Variants in FAM151B observed in about 807,000 individuals in gnomAD.
FAM151B encodes the protein protein FAM151B.
A neutral mutation model predicts 31.2 loss-of-function variants in FAM151B; 24 were observed. The observed-to-expected ratio is 0.77, with a 90% confidence interval of 0.56 to 1.08. FAM151B has a LOEUF of 1.08. Among genes scored for constraint, FAM151B ranks in the 50% least tolerant of loss-of-function variants. The pLI is 0.00. For missense variants in FAM151B, 293 were observed against 328.6 expected, an observed-to-expected ratio of 0.89 and a Z score of 0.84; for synonymous variants, 105 against 111.4, an observed-to-expected ratio of 0.94 and a Z score of 0.36.
Position 80,498,671 on chromosome 5 carries a change from C to T in FAM151B, c.26-3121C>T, listed in dbSNP as rs114564132. 6.2e-3 allele frequency: 4,083 copies of T among 653,392 alleles called. 21 individuals are homozygous for T. Among genetic ancestry groups the T allele is most frequent in the Non-Finnish European group, 9.2e-3 (3,235 of 350,172 alleles). 40.5% of individuals were successfully genotyped at this position (653,392 alleles called of 1,614,324 possible). On this transcript the variant is annotated intron_variant, in intron 1 of 5. Coordinates refer to ENST00000282226, the MANE Select transcript of FAM151B (RefSeq NM_205548.3). The stretch of plus-strand genomic sequence containing the variant: ...GGTGTCTAATTTTGCCATTCTCTTC[C>T]ACCTTATAGTATTTCAGGACAGCCA...
intron 4 of FAM151B, among the ~76,000 whole-genome samples, chr5:80,521,450 T>C (rs982771548): frequency 2.6e-5 from 4 of 152,146 alleles, no homozygotes; most frequent in African/African-American, 9.7e-5. Flanking sequence ...ATGATTTAAA[T>C]ATATGTAAAA....
At chr5:80,534,413 C>T (rs1313966331) in intron 5 of FAM151B, among the ~76,000 whole-genome samples, 5 of 152,046 alleles carry the variant, frequency 3.3e-5, no homozygotes, top group Admixed American at 1.3e-4. Flanking sequence ...TCATCATGAC[C>T]AAGTGGGATT....
At chr5:80,522,366 T>G in intron 5 of FAM151B, 1 of 392,654 alleles carries the variant, frequency 2.5e-6, no homozygotes. Context: ...ACAAAAGTTT[T>G]TGTACATAGT....
chr5:80,532,954 TA>T (rs1274048175), intron 5 of FAM151B, among the ~76,000 whole-genome samples: 1 of 152,114 alleles, frequency 6.6e-6, no homozygotes, highest in Non-Finnish European at 1.5e-5. Context: ...AAACAAATGA[TA>T]ATGGAAACAC....
chr5:80,507,889 C>T (rs556921279), intron 2 of FAM151B, among the ~76,000 whole-genome samples: 116 of 152,270 alleles, frequency 7.6e-4, no homozygotes, highest in African/African-American at 2.8e-3. Context: ...TGGGCTGTCA[C>T]ACACATTCTT....
intron 5 of FAM151B, among the ~76,000 whole-genome samples, chr5:80,529,754 C>T (rs1181031645): frequency 2.0e-5 from 3 of 152,116 alleles, no homozygotes; most frequent in African/African-American, 7.2e-5. Context: ...TAATAGCCCA[C>T]CAACCAAAAA....
chr5:80,527,626 T>C (rs1561376608), intron 5 of FAM151B, among the ~76,000 whole-genome samples: 1 of 152,092 alleles, frequency 6.6e-6, no homozygotes, highest in Non-Finnish European at 1.5e-5. Flanking sequence ...TATATAAACA[T>C]ATCTAAACAT....
At chr5:80,521,495 T>A in intron 4 of FAM151B, among the ~76,000 whole-genome samples, 1 of 152,198 alleles carries the variant, frequency 6.6e-6, no homozygotes, top group Non-Finnish European at 1.5e-5. Context: ...CCACTATTTC[T>A]ACTTTAAGTA....
intron 3 of FAM151B, among the ~76,000 whole-genome samples, chr5:80,517,314 G>T (rs1744497997): frequency 6.6e-6 from 1 of 151,478 alleles, no homozygotes; most frequent in African/African-American, 2.4e-5. Context: ...ATATAGGGTT[G>T]GGTGCTAGGT....
intron 2 of FAM151B, among the ~76,000 whole-genome samples, chr5:80,502,971 A>G (rs1460447433): frequency 2.0e-5 from 3 of 152,242 alleles, no homozygotes; most frequent in Non-Finnish European, 4.4e-5. Context: ...AATGATTGTC[A>G]GGAACTGTAA....
chr5:80,508,205 TG>T (rs1744050172), intron 2 of FAM151B, among the ~76,000 whole-genome samples: 1 of 152,230 alleles, frequency 6.6e-6, no homozygotes, highest in African/African-American at 2.4e-5. Flanking sequence ...TTCCCTTTTT[TG>T]CTACTATGAT....
intron 2 of FAM151B, among the ~76,000 whole-genome samples, chr5:80,506,402 C>A (rs929019794): frequency 1.3e-5 from 2 of 152,142 alleles, no homozygotes; most frequent in African/African-American, 4.8e-5. Flanking sequence ...ACATAAAGAT[C>A]ACAATAACAT....
At chr5:80,522,315 C>A (rs912758734) in intron 5 of FAM151B, 177 bp downstream of exon 5, 5 of 540,028 alleles carry the variant, frequency 9.3e-6, no homozygotes, top group African/African-American at 5.6e-5. Flanking sequence ...CCTTGATGAA[C>A]CTTAACTTAC....
At chr5:80,490,811 G>C (rs1056431935) in intron 1 of FAM151B, among the ~76,000 whole-genome samples, 1 of 152,164 alleles carries the variant, frequency 6.6e-6, no homozygotes, top group Non-Finnish European at 1.5e-5. Context: ...CCACTCATTA[G>C]TTGATGGACA....
intron 5 of FAM151B, among the ~76,000 whole-genome samples, chr5:80,532,604 A>G (rs1745293713): frequency 1.3e-5 from 2 of 152,224 alleles, no homozygotes. Context: ...CAGATAGAAA[A>G]TCAGTAAAGA....
At chr5:80,511,493 A>T (rs915699682) in intron 2 of FAM151B, among the ~76,000 whole-genome samples, 3 of 150,966 alleles carry the variant, frequency 2.0e-5, no homozygotes, top group Admixed American at 2.0e-4. Flanking sequence ...ATTGCAGTGC[A>T]GGTTGGCCAC....
chr5:80,538,422 T>TTCTTTCTTTCTTTCTTTC (rs1745641379), intron 5 of FAM151B, among the ~76,000 whole-genome samples: 1 of 55,698 alleles, frequency 1.8e-5, no homozygotes, highest in Non-Finnish European at 3.2e-5. Context: ...CTTTCTTTCT[T>TTCTTTCTTTCTTTCTTTC]TCTTTCTTTC....
At chr5:80,489,832 C>G (rs1449603533) in intron 1 of FAM151B, among the ~76,000 whole-genome samples, 1 of 151,038 alleles carries the variant, frequency 6.6e-6, no homozygotes, top group Non-Finnish European at 1.5e-5. Flanking sequence ...GCTGAGGCAG[C>G]AGAATGGCGT....
At chr5:80,509,906 T>C (rs1744116518) in intron 2 of FAM151B, among the ~76,000 whole-genome samples, 1 of 152,210 alleles carries the variant, frequency 6.6e-6, no homozygotes, top group South Asian at 2.1e-4. Context: ...TTTACCACTA[T>C]GGAAAACAAT....
Sources: gnomAD v4.1 joint callset for allele counts (sites outside exome capture counted in the v4.1 genomes callset) on GRCh38, gnomAD v4.1.1 for gene constraint, MANE v1.5 for transcripts, NCBI Gene and HGNC (gene_info 2026-07-23, HGNC 2026-07-21) for gene names.